SLC35H1: variants seen among roughly 807,000 people sequenced by gnomAD.
SLC35H1 encodes the protein ovarian cancer-overexpressed gene 1 protein.
chr20:46,356,018 A>G, the SLC35H1 span: 94 of 1,253,328 alleles, frequency 7.5e-5, no homozygotes, highest in African/African-American at 1.3e-3. Flanking sequence ...CTTTAATCAG[A>G]AGGAATCTCT....
the SLC35H1 span, chr20:46,357,696 C>G: frequency 2.5e-6 from 4 of 1,614,168 alleles, no homozygotes; most frequent in Non-Finnish European, 3.4e-6. Flanking sequence ...AGCACTGAAC[C>G]AGCGCCCTGG....
chr20:46,360,155 A>C, the SLC35H1 span, among the ~76,000 whole-genome samples: 1 of 152,176 alleles, frequency 6.6e-6, no homozygotes, highest in Non-Finnish European at 1.5e-5. Flanking sequence ...TAATTATCTG[A>C]ACCTAGAATG....
the SLC35H1 span, chr20:46,352,083 T>A: frequency 6.2e-7 from 1 of 1,614,184 alleles, no homozygotes; most frequent in Non-Finnish European, 8.5e-7. Flanking sequence ...AGAGTGAGGC[T>A]GGAGGTTCTG....
the SLC35H1 span, chr20:46,358,593 T>C: frequency 3.1e-6 from 5 of 1,601,676 alleles, no homozygotes; most frequent in South Asian, 3.4e-5. Context: ...CCGGTGGAGT[T>C]AGACCACAGC....
the SLC35H1 span, chr20:46,354,839 T>A: frequency 6.6e-7 from 1 of 1,509,420 alleles, no homozygotes; most frequent in Admixed American, 1.9e-5. Context: ...GGATCTGTGG[T>A]CTGCTGCACT....
the SLC35H1 span, chr20:46,352,214 G>A: frequency 9.3e-6 from 15 of 1,614,022 alleles, no homozygotes; most frequent in Admixed American, 2.3e-4. Context: ...CTCAGATGTG[G>A]ACAAATGGAG....
chr20:46,351,335 G>A, the SLC35H1 span, among the ~76,000 whole-genome samples: 5 of 152,348 alleles, frequency 3.3e-5, no homozygotes, highest in Admixed American at 1.3e-4. Context: ...TGGCAAGGCC[G>A]TTCATCCAAG....
chr20:46,359,739 C>T, the SLC35H1 span, among the ~76,000 whole-genome samples: 3 of 152,200 alleles, frequency 2.0e-5, no homozygotes, highest in African/African-American at 7.2e-5. Context: ...GTGATGATAC[C>T]TGCTGCTTCA....
At chr20:46,356,573 C>T in the SLC35H1 span, 4 of 1,613,988 alleles carry the variant, frequency 2.5e-6, no homozygotes, top group Admixed American at 5.0e-5. Context: ...CCAGTACTCA[C>T]AGCGAGACGG....
chr20:46,351,935 T>C, the SLC35H1 span: 1 of 1,145,524 alleles, frequency 8.7e-7, no homozygotes, highest in Non-Finnish European at 1.2e-6. Flanking sequence ...AATGGGGCAC[T>C]TCCTTCTCTT....
At chr20:46,350,417 A>C in the SLC35H1 span, 1 of 1,613,196 alleles carries the variant, frequency 6.2e-7, no homozygotes, top group Non-Finnish European at 8.5e-7. Context: ...TGGGCCACAA[A>C]GTACTCCTCC....
the SLC35H1 span, chr20:46,359,080 G>C: frequency 2.7e-6 from 1 of 365,120 alleles, no homozygotes; most frequent in Non-Finnish European, 5.3e-6. Flanking sequence ...TGGCCCTGCT[G>C]GTCTTCCCAG....
the SLC35H1 span, chr20:46,353,317 C>T: frequency 6.6e-6 from 1 of 152,252 alleles, no homozygotes; most frequent in Non-Finnish European, 1.5e-5. Context: ...TGCACACCCC[C>T]TACCCCAAAT....
At chr20:46,351,914 G>T in the SLC35H1 span, 20 of 892,888 alleles carry the variant, frequency 2.2e-5, no homozygotes, top group African/African-American at 3.0e-4. Context: ...TCAGCAAAGT[G>T]CCTGGCACCT....
the SLC35H1 span, chr20:46,350,601 G>A: frequency 6.5e-7 from 1 of 1,528,410 alleles, no homozygotes; most frequent in Non-Finnish European, 8.8e-7. Flanking sequence ...TGTGTGCTGA[G>A]TCACCCAGGC....
At chr20:46,352,336 C>T in the SLC35H1 span, 2 of 924,664 alleles carry the variant, frequency 2.2e-6, no homozygotes, top group African/African-American at 1.7e-5. Context: ...TTACTGAGAC[C>T]TGCTAACTGT....
At chr20:46,358,788 G>T in the SLC35H1 span, 1 of 1,374,988 alleles carries the variant, frequency 7.3e-7, no homozygotes, top group Non-Finnish European at 1.0e-6. Flanking sequence ...GGGCCGCTCT[G>T]GAGCCTCAGG....
chr20:46,362,976 G>C, the SLC35H1 span: 9 of 152,290 alleles, frequency 5.9e-5, no homozygotes, highest in African/African-American at 2.2e-4. Context: ...ATGTTGGTCA[G>C]GCTGGTCTCG....
the SLC35H1 span, among the ~76,000 whole-genome samples, chr20:46,351,111 T>C: frequency 6.6e-6 from 1 of 152,226 alleles, no homozygotes; most frequent in African/African-American, 2.4e-5. Context: ...GTGCTTGTCA[T>C]GGAATTCTGT....
Sources: gnomAD v4.1 joint callset for allele counts (sites outside exome capture counted in the v4.1 genomes callset) on GRCh38, gnomAD v4.1.1 for gene constraint, MANE v1.5 for transcripts, NCBI Gene and HGNC (gene_info 2026-07-23, HGNC 2026-07-21) for gene names.